THOP1: variants seen among roughly 807,000 people sequenced by gnomAD.
The protein encoded by THOP1 is thimet oligopeptidase.
THOP1 carries 49 observed loss-of-function variants against 71.8 expected under a neutral mutation model. The ratio of observed to expected loss-of-function variants is 0.68; its 90% confidence interval spans 0.54 to 0.87. THOP1 has a LOEUF of 0.87. THOP1 is among the 40% of genes least tolerant of loss of function. The pLI, the probability that THOP1 is intolerant of heterozygous loss-of-function variation, is 0.00. For synonymous variants in THOP1, 426 were observed against 421.5 expected, an observed-to-expected ratio of 1.01 and a Z score of -0.13; for missense variants, 843 against 975.6, an observed-to-expected ratio of 0.86 and a Z score of 1.81.
Position 2,810,765 on chromosome 19 carries a change from C to A in THOP1, c.1768C>A (p.Pro590Thr). 3 of 1,602,698 alleles carry A rather than the reference C, an allele frequency of 1.9e-6. No individual in the cohort carries two copies. The highest frequency in any genetic ancestry group is 2.2e-5 in the East Asian group (1 of 44,748). The part of the protein sequence containing the change: ...CQEILGVPAT[P>T]GTNMPATFGH... Reference sequence around the variant, plus strand: ...GGAGATCCTCGGGGTCCCGGCCACGCCAGGTAGCCACCCTTGAGCCGGGCA... The same window carrying A: ...GGAGATCCTCGGGGTCCCGGCCACGACAGGTAGCCACCCTTGAGCCGGGCA... The change falls in exon 11 of 13, where the codon CCA becomes ACA. Residue 590 changes from proline to threonine, a missense_variant. Transcript: ENST00000307741.
intron 4 of THOP1, among the ~76,000 whole-genome samples, chr19:2,798,419 C>G (rs1445369635): frequency 6.6e-6 from 1 of 152,164 alleles, no homozygotes; most frequent in Non-Finnish European, 1.5e-5. Context: ...CAAGGGCCAG[C>G]AAGCAAGGAG....
rs1441926728 is a variant in THOP1 at position 2,805,937 on chromosome 19, ACGGGCGGGTGCCCATCACTG to A, written c.750+766_750+785del. On this transcript the variant is annotated intron_variant, in intron 6 of 12. Transcript: ENST00000307741. This position sits in a 1 kb window ranked among gnomAD's most constrained non-coding sequence, Gnocchi z 6.6. ...GGCGGGTGCCCATCACTGCGGGGGG[ACGGGCGGGTGCCCATCACTG>A]CGGGGGGATGGGCGGGTGCCCATCA... 1 of 27,750 alleles carries A rather than the reference ACGGGCGGGTGCCCATCACTG, an allele frequency of 3.6e-5. No homozygotes were observed. The highest frequency in any genetic ancestry group is 1.7e-4 in the African/African-American group (1 of 6,056). 1.7% of individuals were successfully genotyped at this position (27,750 alleles called of 1,614,324 possible).
intron 1 of THOP1, chr19:2,789,902 G>A (rs145773662): frequency 0.011 from 1,804 of 160,098 alleles, 15 homozygotes; most frequent in Middle Eastern, 0.018. Context: ...ACAGGCATGC[G>A]TGCCACCACG....
chr19:2,807,308 C>G, intron 7 of THOP1, 134 bp from the exon 8 acceptor site: 1 of 1,385,298 alleles, frequency 7.2e-7, no homozygotes, highest in Non-Finnish European at 9.5e-7. Context: ...CTCGGCCCCT[C>G]GAGGGGTTGC....
chr19:2,791,176 T>C (rs1915870525), intron 2 of THOP1, among the ~76,000 whole-genome samples: 1 of 152,128 alleles, frequency 6.6e-6, no homozygotes, highest in Non-Finnish European at 1.5e-5. Flanking sequence ...CTCCTCTCCT[T>C]GGGGTCCCTG....
At chr19:2,794,194 T>A (rs1341397609) in intron 2 of THOP1, among the ~76,000 whole-genome samples, 10 of 152,002 alleles carry the variant, frequency 6.6e-5, no homozygotes. Context: ...TTTGTATTTT[T>A]AGTAGAGATG....
chr19:2,797,411 A>G (rs1364688434), intron 4 of THOP1, among the ~76,000 whole-genome samples: 1 of 152,218 alleles, frequency 6.6e-6, no homozygotes, highest in African/African-American at 2.4e-5. Context: ...GTGTGTGTTC[A>G]GTAGAAACCG....
At position 2,796,033 on chromosome 19, in the gene THOP1, G is replaced by A. The variant is rs186490106; in HGVS notation, c.379-48G>A. The A allele has an allele frequency of 8.9e-4, 1,332 of 1,489,446 alleles. 8 individuals are homozygous for A. In the African/African-American group the frequency reaches 0.015, roughly 17 times the overall value. 92.3% of individuals were successfully genotyped at this position (1,489,446 alleles called of 1,614,324 possible). The stretch of plus-strand genomic sequence containing the variant: ...AGAAACTGCCAAACTGCTCTTTGGA[G>A]CGGCTGCACTGGCCCACGTCCTACA... On this transcript the variant is annotated intron_variant, in intron 3 of 12. Coordinates refer to ENST00000307741, the MANE Select transcript of THOP1 (RefSeq NM_003249.5).
chr19:2,807,075 C>A, intron 7 of THOP1, 23 bp downstream of exon 7: 2 of 1,597,276 alleles, frequency 1.3e-6, no homozygotes, highest in Non-Finnish European at 1.7e-6. Context: ...TCCTCCTCCA[C>A]TGGGGTCCCT....
At chr19:2,792,031 ACTTCG>A (rs1429204487) in intron 2 of THOP1, among the ~76,000 whole-genome samples, 2 of 152,136 alleles carry the variant, frequency 1.3e-5, no homozygotes, top group Admixed American at 6.5e-5. Flanking sequence ...GATTAAGTCC[ACTTCG>A]CCCAGGAGCC....
Position 2,810,370 on chromosome 19 carries a change from C to T in THOP1, c.1522C>T (p.Leu508=), listed in dbSNP as rs1318318029. The T allele has an allele frequency of 5.0e-6, 8 of 1,611,604 alleles. No homozygotes were observed. Among genetic ancestry groups the T allele is most frequent in the Non-Finnish European group, 6.8e-6 (8 of 1,179,740 alleles). ...RDFVEAPSQM[L]ENWVWEQEPL... ...CTTTGTGGAGGCGCCGTCGCAGATG[C>T]TGGAGAACTGGGTGTGGGAGCAGGA... Residue 508 remains leucine (L), a synonymous_variant, in exon 10 of 13, where the codon CTG becomes TTG. Coordinates refer to ENST00000307741, the MANE Select transcript of THOP1 (RefSeq NM_003249.5).
At chr19:2,791,021 C>G (rs1240124451) in intron 2 of THOP1, among the ~76,000 whole-genome samples, 2 of 152,242 alleles carry the variant, frequency 1.3e-5, no homozygotes, top group Non-Finnish European at 2.9e-5. Flanking sequence ...CTGACCCCGT[C>G]TGGCCTCTTT....
intron 3 of THOP1, among the ~76,000 whole-genome samples, chr19:2,795,120 G>T (rs117788021): frequency 6.6e-6 from 1 of 152,126 alleles, no homozygotes; most frequent in East Asian, 1.9e-4. Flanking sequence ...CACTGTGCCC[G>T]GCCCATTTTT....
In THOP1 at chr19:2,801,413, A is replaced by G. The variant is rs973704574; in HGVS notation, c.589+1622A>G. On this transcript the variant is annotated intron_variant, in intron 5 of 12. Transcript: ENST00000307741. This position sits in a 1 kb window ranked among gnomAD's most constrained non-coding sequence, Gnocchi z 5.1. ...GTCTAACTCTTTGGGGTGCCGTTCCATTTGTCGGGCCTGAGGGGTCTCCCG... is the reference window on the plus strand; with the variant it reads ...GTCTAACTCTTTGGGGTGCCGTTCCGTTTGTCGGGCCTGAGGGGTCTCCCG... 2.6e-5 allele frequency among the ~76,000 whole-genome samples: 4 copies of G among 151,992 alleles called. No homozygotes were observed. Among genetic ancestry groups the G allele is most frequent in the African/African-American group, 4.8e-5 (2 of 41,370 alleles).
intron 1 of THOP1, among the ~76,000 whole-genome samples, chr19:2,786,619 A>G (rs949923408): frequency 2.0e-5 from 3 of 151,814 alleles, no homozygotes; most frequent in Admixed American, 6.6e-5. Context: ...ATTTTTTGAG[A>G]CAGTCTGTGT....
At position 2,807,612 on chromosome 19, in the gene THOP1, C is replaced by G. The variant is rs778488765; in HGVS notation, c.1057C>G (p.Gln353Glu). Residue 353 changes from glutamine to glutamate, a missense_variant, in exon 8 of 13, where the codon CAG becomes GAG. By Grantham distance (29) the Gln-to-Glu change is conservative (BLOSUM62 2). Coordinates refer to ENST00000307741, the MANE Select transcript of THOP1 (RefSeq NM_003249.5). ...QVEETRYCVD[Q>E]NLLKEYFPVQ... is the part of the protein sequence containing the mutation. ...GGAGGAGACGCGCTACTGCGTGGAC[C>G]AGAACCTGCTCAAGGAGTACTTCCC... 1 of 1,612,580 alleles carries G rather than the reference C, an allele frequency of 6.2e-7. No individual in the cohort carries two copies. Among genetic ancestry groups the G allele is most frequent in the Non-Finnish European group, 8.5e-7 (1 of 1,179,784 alleles).
chr19:2,785,586 C>T lies in THOP1; in HGVS notation c.-77C>T. 2.1e-6 allele frequency: 3 copies of T among 1,458,720 alleles called. No individual in the cohort carries two copies. Among genetic ancestry groups the T allele is most frequent in the Admixed American group, 2.3e-5 (1 of 42,758 alleles). 90.4% of individuals were successfully genotyped at this position (1,458,720 alleles called of 1,614,324 possible). ...GTGGCGGCGGTTGGGCCGAGGCAGG[C>T]GGCCTCAGTGGCCGAGGTGGCTGGA... On this transcript the variant is annotated 5_prime_UTR_variant, in exon 1 of 13. Coordinates refer to ENST00000307741, the MANE Select transcript of THOP1 (RefSeq NM_003249.5).
At chr19:2,807,161 G>A in intron 7 of THOP1, 109 bp downstream of exon 7, 1 of 1,405,404 alleles carries the variant, frequency 7.1e-7, no homozygotes, top group Non-Finnish European at 9.4e-7. Flanking sequence ...CCTCCATGAA[G>A]AGGGACTTCT....
chr19:2,795,892 C>G, intron 3 of THOP1, 189 bp from the exon 4 acceptor site: 1 of 513,898 alleles, frequency 1.9e-6, no homozygotes, highest in Non-Finnish European at 3.6e-6. Context: ...GGGGCTCTTC[C>G]AAACAAAGCG....
Sources: allele counts gnomAD v4.1 joint callset (sites outside exome capture counted in the v4.1 genomes callset), GRCh38; gene constraint gnomAD v4.1.1; non-coding constraint Gnocchi (gnomAD v3.1); transcripts MANE v1.5; gene names NCBI Gene and HGNC (gene_info 2026-07-23, HGNC 2026-07-21).